Variants in LOXHD1 observed in about 807,000 individuals in gnomAD.
LOXHD1 encodes lipoxygenase homology domain-containing protein 1.
A neutral mutation model predicts 248.2 loss-of-function variants in LOXHD1; 205 were observed. That is an observed-to-expected ratio of 0.83 (90% confidence interval 0.74 to 0.93). The LOEUF (loss-of-function observed/expected upper bound fraction) is 0.93, where lower values mean the gene tolerates loss of function less well. Among genes scored for constraint, LOXHD1 ranks in the 40% least tolerant of loss-of-function variants. The pLI, the probability that LOXHD1 is intolerant of heterozygous loss-of-function variation, is 0.00. For synonymous variants in LOXHD1, 1,113 were observed against 1,162.8 expected (o/e 0.96, Z 0.87); for missense variants, 2,930 against 2,971.6 (o/e 0.99, Z 0.33).
intron 4 of LOXHD1, among the ~76,000 whole-genome samples, chr18:46,621,493 A>T (rs1366158649): frequency 6.6e-6 from 1 of 152,228 alleles, no homozygotes; most frequent in Admixed American, 6.5e-5. Flanking sequence ...GCAGGGCTCC[A>T]TTCTGTCACT....
intron 4 of LOXHD1, among the ~76,000 whole-genome samples, chr18:46,628,667 C>A (rs1016473850): frequency 2.0e-5 from 3 of 152,140 alleles, no homozygotes; most frequent in Admixed American, 1.3e-4. Flanking sequence ...GCCTGTGCAT[C>A]TCAGAATCAG....
intron 12 of LOXHD1, among the ~76,000 whole-genome samples, 195 bp from the exon 13 acceptor site, chr18:46,579,979 C>A (rs1410744247): frequency 6.6e-6 from 1 of 152,244 alleles, no homozygotes; most frequent in East Asian, 1.9e-4. Context: ...GTCTCTTGGC[C>A]TAGGCCCTTG....
At chr18:46,559,287 A>G in intron 20 of LOXHD1, 161 bp downstream of exon 20, 1 of 1,539,710 alleles carries the variant, frequency 6.5e-7, no homozygotes, top group South Asian at 1.2e-5. Context: ...CCCTCCACAA[A>G]GTATCAGTGT....
At chr18:46,568,887 C>T (rs2037695040) in intron 16 of LOXHD1, among the ~76,000 whole-genome samples, 1 of 152,140 alleles carries the variant, frequency 6.6e-6, no homozygotes, top group Admixed American at 6.5e-5. Flanking sequence ...TGATGAAGTG[C>T]TTAGACCACT....
chr18:46,639,872 C>A (rs889578592), intron 3 of LOXHD1, 72 bp from the exon 4 acceptor site: 55 of 1,503,954 alleles, frequency 3.7e-5, no homozygotes, highest in Non-Finnish European at 4.0e-5. Context: ...CTGGAATACC[C>A]AGATGTTTAC....
rs376461436 is a variant in LOXHD1 at position 46,559,596 on chromosome 18, G to A, written c.3068C>T (p.Thr1023Ile). ...CCCCGTGACCACCTGAACCTCATAGGTGTTTCCTGTAGACACAGAAAGATG... is the reference window on the plus strand; with the variant it reads ...CCCCGTGACCACCTGAACCTCATAGATGTTTCCTGTAGACACAGAAAGATG... ...PAGKPGPERN[T>I]YEVQVVTGNV... The change falls in exon 20 of 41, where the codon ACC (threonine) becomes ATC (isoleucine). Residue 1023 changes from threonine (T) to isoleucine (I), a missense_variant. Coordinates refer to ENST00000642948, the MANE Select transcript of LOXHD1 (RefSeq NM_001384474.1). 1 of 1,551,658 alleles carries A rather than the reference G, an allele frequency of 6.4e-7. No homozygotes were observed. The highest frequency in any genetic ancestry group is 8.7e-7 in the Non-Finnish European group (1 of 1,146,982).
At chr18:46,502,101 C>T (rs374127490) in intron 37 of LOXHD1, among the ~76,000 whole-genome samples, 11 of 152,156 alleles carry the variant, frequency 7.2e-5, no homozygotes, top group South Asian at 2.1e-4. Context: ...AATTGCTTTG[C>T]TATTGAGAAG....
intron 28 of LOXHD1, among the ~76,000 whole-genome samples, chr18:46,530,867 AG>A (rs1332812211): frequency 1.3e-5 from 2 of 152,000 alleles, no homozygotes; most frequent in East Asian, 3.9e-4. Flanking sequence ...TTGGATGCCA[AG>A]GCCTCCCAGG....
Position 46,610,893 on chromosome 18 carries a change from G to A in LOXHD1, c.642C>T (p.Asn214=). 1 of 1,551,794 alleles carries A rather than the reference G, an allele frequency of 6.4e-7. No homozygotes were observed. The highest frequency in any genetic ancestry group is 8.7e-7 in the Non-Finnish European group (1 of 1,147,004). ...GERRLENEKD[N]FEKGAEDRFI... is the part of the protein sequence containing the mutation. ...ACCTGTCTTCAGCTCCCTTTTCAAAGTTGTCCTTTTCATTTTCTAGCCTAC... is the reference window on the plus strand; with the variant it reads ...ACCTGTCTTCAGCTCCCTTTTCAAAATTGTCCTTTTCATTTTCTAGCCTAC... The change falls in exon 6 of 41, where the codon AAC becomes AAT. Residue 214 remains asparagine, a synonymous_variant. Coordinates refer to ENST00000642948, the MANE Select transcript of LOXHD1 (RefSeq NM_001384474.1).
intron 3 of LOXHD1, among the ~76,000 whole-genome samples, chr18:46,640,569 C>A (rs951311682): frequency 4.6e-5 from 7 of 152,208 alleles, no homozygotes; most frequent in African/African-American, 1.7e-4. Flanking sequence ...TAATATGTTT[C>A]ATTTAATTCC....
chr18:46,577,771 C>G lies in LOXHD1; in HGVS notation c.1906G>C (p.Asp636His), dbSNP rs2037886370. The part of the protein sequence containing the change: ...GKGSGSGWYL[D>H]RVLVREEGQP... ...CCCTCCTCTCTCACCAGCACTCTGTCCAGGTACCAGCCGCTGCCGGAGCCT... is the reference window on the plus strand; with the variant it reads ...CCCTCCTCTCTCACCAGCACTCTGTGCAGGTACCAGCCGCTGCCGGAGCCT... The change falls in exon 14 of 41, where the codon GAC (aspartate) becomes CAC (histidine). Residue 636 changes from aspartate to histidine, a missense_variant. Coordinates refer to ENST00000642948, the MANE Select transcript of LOXHD1 (RefSeq NM_001384474.1). 2.6e-6 allele frequency: 4 copies of G among 1,551,550 alleles called. No individual in the cohort carries two copies. The Admixed American group carries it at 5.9e-5, about 23-fold the overall frequency.
chr18:46,511,883 A>C (rs1471915186), intron 34 of LOXHD1, among the ~76,000 whole-genome samples: 5 of 152,222 alleles, frequency 3.3e-5, no homozygotes, highest in Admixed American at 3.3e-4. Context: ...AGTTCTCCAT[A>C]TCCAAGGCCA....
At chr18:46,572,277 G>T in intron 14 of LOXHD1, 115 bp from the exon 15 acceptor site, 1 of 920,660 alleles carries the variant, frequency 1.1e-6, no homozygotes, top group Non-Finnish European at 1.7e-6. Context: ...TTAGCAAAGT[G>T]AAATGATTCT....
At chr18:46,536,226 A>T (rs2036301654) in intron 26 of LOXHD1, among the ~76,000 whole-genome samples, 1 of 152,070 alleles carries the variant, frequency 6.6e-6, no homozygotes, top group Non-Finnish European at 1.5e-5. Context: ...GTTCTCAATA[A>T]CTCTTAGCTA....
rs898382484 is a variant in LOXHD1, at chr18:46,485,039, A to G, written c.6162T>C (p.Ser2054=). 1.3e-6 allele frequency: 2 copies of G among 1,550,602 alleles called. No individual in the cohort carries two copies. Among genetic ancestry groups the G allele is most frequent in the South Asian group, 1.2e-5 (1 of 83,966 alleles). Residue 2054 remains serine (S), a synonymous_variant, in exon 39 of 41, where the codon TCT becomes TCC. Transcript: ENST00000642948. The part of the protein sequence containing the change: ...RSKEFLMENS[S]RQRAFRKGTT... ...CCTACTTCCTAAAGGCCCGCTGCCT[A>G]GAAGAATTTTCCATGAGAAACTCTT... is the stretch of plus-strand genomic sequence containing the variant.
chr18:46,613,785 C>A (rs1383574850), intron 5 of LOXHD1, among the ~76,000 whole-genome samples: 2 of 152,110 alleles, frequency 1.3e-5, no homozygotes, highest in Non-Finnish European at 2.9e-5. Flanking sequence ...CTGCATCTAT[C>A]AAGATAATTC....
At chr18:46,616,646 C>T (rs936150530) in intron 5 of LOXHD1, among the ~76,000 whole-genome samples, 1 of 152,048 alleles carries the variant, frequency 6.6e-6, no homozygotes, top group African/African-American at 2.4e-5. Flanking sequence ...GTTGTTTAAG[C>T]ATATGAATGG....
intron 6 of LOXHD1, among the ~76,000 whole-genome samples, chr18:46,609,390 A>G (rs1456672423): frequency 6.6e-6 from 1 of 152,238 alleles, no homozygotes; most frequent in Admixed American, 6.5e-5. Context: ...CTTGCAGCCA[A>G]ATATTTTCCT....
Position 46,610,774 on chromosome 18 carries a change from A to G in LOXHD1, c.759+2T>C. 6.4e-7 allele frequency: 1 copy of G among 1,550,402 alleles called. No individual in the cohort carries two copies. The highest frequency in any genetic ancestry group is 1.4e-5 in the African/African-American group (1 of 73,094). ...GGACTGCAGAGAAGCAGCTGAACTC[A>G]CCTGGGACAGGAACCAACCTGCAGA... On this transcript the variant is annotated splice_donor_variant, in intron 6 of 40. Transcript: ENST00000642948. LOFTEE classifies it high-confidence loss of function.
Sources: gnomAD v4.1 joint callset for allele counts (sites outside exome capture counted in the v4.1 genomes callset) on GRCh38, gnomAD v4.1.1 for gene constraint, MANE v1.5 for transcripts, NCBI Gene and HGNC (gene_info 2026-07-23, HGNC 2026-07-21) for gene names.